The following IGSF21 variants were observed in gnomAD, a reference collection of about 807,000 sequenced individuals.
The protein encoded by IGSF21 is immunoglobulin superfamily member 21.
IGSF21 carries 28 observed loss-of-function variants against 46.8 expected under a neutral mutation model. The ratio of observed to expected loss-of-function variants is 0.60; its 90% CI spans 0.44 to 0.82. IGSF21 has a LOEUF of 0.82. Among genes scored for constraint, IGSF21 ranks in the 40% least tolerant of loss-of-function variants. The pLI, the probability that IGSF21 is intolerant of heterozygous loss-of-function variation, is 0.00. For missense variants in IGSF21, 624 were observed against 665.5 expected, an observed-to-expected ratio of 0.94 and a Z score of 0.69; for synonymous variants, 284 against 273.6, an observed-to-expected ratio of 1.04 and a Z score of -0.38.
intron 3 of IGSF21, among the ~76,000 whole-genome samples, chr1:18,299,703 C>T (rs2085343242): frequency 1.3e-5 from 2 of 152,178 alleles, no homozygotes; most frequent in Non-Finnish European, 2.9e-5. Context: ...AAACCCGTTC[C>T]TCTCTCTCCC....
At chr1:18,178,234 T>C (rs2086822509) in intron 1 of IGSF21, among the ~76,000 whole-genome samples, 1 of 152,178 alleles carries the variant, frequency 6.6e-6, no homozygotes, top group Admixed American at 6.5e-5. Flanking sequence ...AGCCAGGTCT[T>C]GCCCAATCAG....
intron 1 of IGSF21, among the ~76,000 whole-genome samples, chr1:18,225,085 T>TCTCTCTCTCACACACA: frequency 1.6e-4 from 8 of 51,612 alleles, no homozygotes; most frequent in East Asian, 5.5e-4. Flanking sequence ...TCTCTCTCTC[T>TCTCTCTCTCACACACA]CACACACACA....
At chr1:18,313,560 G>A (rs1164660401) in intron 3 of IGSF21, among the ~76,000 whole-genome samples, 1 of 152,182 alleles carries the variant, frequency 6.6e-6, no homozygotes, top group Non-Finnish European at 1.5e-5. Context: ...GCAGGATAGG[G>A]GGCTGGTGAT....
chr1:18,292,994 T>C (rs2085281789), intron 3 of IGSF21, among the ~76,000 whole-genome samples: 1 of 152,146 alleles, frequency 6.6e-6, no homozygotes, highest in African/African-American at 2.4e-5. Context: ...TCGGGTACCG[T>C]GAGGGGGACT....
chr1:18,297,176 C>G (rs186016587), intron 3 of IGSF21, among the ~76,000 whole-genome samples: 1 of 152,264 alleles, frequency 6.6e-6, no homozygotes, highest in South Asian at 2.1e-4. Flanking sequence ...CACCACCATC[C>G]TCTCCCCAAC....
chr1:18,188,619 C>A (rs1334221681), intron 1 of IGSF21, among the ~76,000 whole-genome samples: 1 of 152,006 alleles, frequency 6.6e-6, no homozygotes, highest in African/African-American at 2.4e-5. Context: ...CGTGTAGACT[C>A]CTTCACTGGG....
At chr1:18,186,400 C>T (rs2086903279) in intron 1 of IGSF21, among the ~76,000 whole-genome samples, 1 of 152,146 alleles carries the variant, frequency 6.6e-6, no homozygotes, top group South Asian at 2.1e-4. Context: ...CAAAGCCGGG[C>T]ACCTGGAAAT....
At chr1:18,306,169 C>A (rs1432369180) in intron 3 of IGSF21, among the ~76,000 whole-genome samples, 1 of 152,188 alleles carries the variant, frequency 6.6e-6, no homozygotes, top group Non-Finnish European at 1.5e-5. Context: ...ACCCTGTATG[C>A]TCGGCCCCAT....
Position 18,334,944 on chromosome 1 carries a change from A to G in IGSF21, c.358A>G (p.Ile120Val), listed in dbSNP as rs1486146866. 1.4e-5 allele frequency: 22 copies of G among 1,614,202 alleles called. No homozygotes were observed. The highest frequency in any genetic ancestry group is 1.6e-5 in the Non-Finnish European group (19 of 1,180,026). Reference sequence around the variant, plus strand: ...TGGTCCCTATGAGTGCCATGTGGGCATCTACGACCGCGCCACCAGGGAGAA... The same window carrying G: ...TGGTCCCTATGAGTGCCATGTGGGCGTCTACGACCGCGCCACCAGGGAGAA... ...DNGPYECHVG[I>V]YDRATREKVV... The change falls in exon 4 of 10, where the codon ATC becomes GTC. Residue 120 changes from isoleucine to valine, a missense_variant. Physicochemically the swap from Ile to Val is conservative, Grantham distance 29. Coordinates refer to ENST00000251296, the MANE Select transcript of IGSF21 (RefSeq NM_032880.5). This position sits in a 1 kb window ranked among gnomAD's most constrained non-coding sequence, Gnocchi z 4.3.
chr1:18,190,920 G>C (rs1340742673), intron 1 of IGSF21, among the ~76,000 whole-genome samples: 1 of 152,146 alleles, frequency 6.6e-6, no homozygotes, highest in Non-Finnish European at 1.5e-5. Flanking sequence ...GAAAAGGCTC[G>C]GGTGGGTGGA....
chr1:18,304,234 G>A (rs2085389688), intron 3 of IGSF21, among the ~76,000 whole-genome samples: 1 of 152,182 alleles, frequency 6.6e-6, no homozygotes, highest in Admixed American at 6.5e-5. Context: ...TCTGGCTGAG[G>A]GTGTAGGACA....
At chr1:18,258,969 C>G (rs1454062350) in intron 2 of IGSF21, among the ~76,000 whole-genome samples, 2 of 152,216 alleles carry the variant, frequency 1.3e-5, no homozygotes, top group Admixed American at 6.5e-5. Context: ...GGAGCCAGGT[C>G]CAGCCCTTTT....
In IGSF21 at chr1:18,376,295, T is replaced by C; in HGVS notation, c.1016-15T>C. Reference sequence around the variant, plus strand: ...TTTCCTTACTCTCTCTGACCTGGCCTTTCTCTCCCTACAGTTGCCCCCAAA... The same window carrying C: ...TTTCCTTACTCTCTCTGACCTGGCCCTTCTCTCCCTACAGTTGCCCCCAAA... On this transcript the variant is annotated splice_polypyrimidine_tract_variant and intron_variant, in intron 6 of 9. Transcript: ENST00000251296. The C allele has an allele frequency of 1.3e-6, 2 of 1,593,158 alleles. No homozygotes were observed. The highest frequency in any genetic ancestry group is 1.7e-6 in the Non-Finnish European group (2 of 1,161,030).
At chr1:18,152,958 G>A (rs948564522) in intron 1 of IGSF21, among the ~76,000 whole-genome samples, 1 of 152,212 alleles carries the variant, frequency 6.6e-6, no homozygotes, top group Non-Finnish European at 1.5e-5. Context: ...AAGAGATAAT[G>A]CAGTTAACAA....
chr1:18,342,062 TTTTTTTG>T (rs1420086266), intron 4 of IGSF21, among the ~76,000 whole-genome samples: 13 of 149,650 alleles, frequency 8.7e-5, no homozygotes, highest in African/African-American at 9.8e-5. Flanking sequence ...TTGTTTTTTT[TTTTTTTG>T]TTTGTTTGTT....
chr1:18,295,477 A>T (rs1196207498), intron 3 of IGSF21, among the ~76,000 whole-genome samples: 1 of 152,166 alleles, frequency 6.6e-6, no homozygotes, highest in East Asian at 1.9e-4. Context: ...CAAAGAAGTG[A>T]TTCTAAACCA....
chr1:18,262,069 A>G (rs2084951913), intron 2 of IGSF21, among the ~76,000 whole-genome samples: 1 of 152,180 alleles, frequency 6.6e-6, no homozygotes, highest in South Asian at 2.1e-4. Context: ...AGAGAGTCTG[A>G]TTCAGCAGGT....
intron 3 of IGSF21, among the ~76,000 whole-genome samples, chr1:18,311,881 C>T (rs1023694221): frequency 1.3e-5 from 2 of 152,188 alleles, no homozygotes; most frequent in Non-Finnish European, 2.9e-5. Context: ...TCCCACAACA[C>T]ATGGGAATTA....
intron 1 of IGSF21, among the ~76,000 whole-genome samples, chr1:18,225,585 G>C (rs1382475538): frequency 6.6e-6 from 1 of 152,136 alleles, no homozygotes; most frequent in Non-Finnish European, 1.5e-5. Flanking sequence ...GGACCTTCAT[G>C]AGCCTTGATC....
Sources: gnomAD v4.1 joint callset for allele counts (sites outside exome capture counted in the v4.1 genomes callset) on GRCh38, gnomAD v4.1.1 for gene constraint, Gnocchi (gnomAD v3.1) non-coding constraint, MANE v1.5 for transcripts, NCBI Gene and HGNC (gene_info 2026-07-23, HGNC 2026-07-21) for gene names.